The following CCDC102B variants were observed in gnomAD, a reference collection of about 807,000 sequenced individuals.
CCDC102B encodes coiled-coil domain-containing protein 102B.
Under a neutral mutation model 57.4 loss-of-function variants are expected in CCDC102B, and 75 were observed. That is an observed-to-expected ratio of 1.31 (90% CI 1.08 to 1.58). The LOEUF (loss-of-function observed/expected upper bound fraction) is 1.58, where lower values mean the gene tolerates loss of function less well. Ranked by LOEUF, CCDC102B falls within the 40% of genes most tolerant of loss-of-function variation. The probability of loss-of-function intolerance (pLI) is 0.00; values close to 1 mark genes in which losing one functional copy is unlikely to be tolerated. For synonymous variants in CCDC102B, 206 were observed against 201.9 expected, an observed-to-expected ratio of 1.02 and a Z score of -0.17; for missense variants, 636 against 582.6, an observed-to-expected ratio of 1.09 and a Z score of -0.94.
At chr18:68,730,199 A>C in intron 2 of CCDC102B, among the ~76,000 whole-genome samples, 1 of 152,162 alleles carries the variant, frequency 6.6e-6, no homozygotes, top group Admixed American at 6.5e-5. Context: ...AATGAATTCC[A>C]TTATTACGTA....
At chr18:68,873,197 C>G (rs962580310) in intron 4 of CCDC102B, among the ~76,000 whole-genome samples, 2 of 152,076 alleles carry the variant, frequency 1.3e-5, no homozygotes, top group African/African-American at 4.8e-5. Flanking sequence ...CTTGCATATT[C>G]AGACTTTCAA....
intron 6 of CCDC102B, among the ~76,000 whole-genome samples, chr18:68,918,558 C>T (rs1381287792): frequency 6.6e-6 from 1 of 152,116 alleles, no homozygotes; most frequent in Admixed American, 6.6e-5. Context: ...TAAAATTAAA[C>T]CTGCAAAAGT....
At chr18:68,770,823 A>G (rs1475529987) in intron 2 of CCDC102B, among the ~76,000 whole-genome samples, 1 of 152,270 alleles carries the variant, frequency 6.6e-6, no homozygotes, top group Admixed American at 6.5e-5. Context: ...CAGGCTTTGT[A>G]GAAGAAAGAA....
At chr18:68,978,896 AG>A (rs2050505675) in intron 6 of CCDC102B, among the ~76,000 whole-genome samples, 2 of 152,112 alleles carry the variant, frequency 1.3e-5, no homozygotes, top group Non-Finnish European at 2.9e-5. Flanking sequence ...AAAGCTATAG[AG>A]AAATGATAGA....
chr18:68,938,538 A>G (rs1423979567), intron 6 of CCDC102B, among the ~76,000 whole-genome samples: 1 of 151,838 alleles, frequency 6.6e-6, no homozygotes, highest in Admixed American at 6.6e-5. Context: ...CTTAAAAATG[A>G]TCTTTTCTAC....
rs541930016 is a variant in CCDC102B at position 68,790,088 on chromosome 18, C to A, written c.-66-33278C>A. On this transcript the variant is annotated intron_variant, in intron 2 of 3. Coordinates refer to the CCDC102B transcript ENST00000578970. ...CTGCAGGTCTGTTGGAATACCCTGC[C>A]ATGTGAGGTGTCAGTCTGCCCCTGC... 6.1e-3 allele frequency among the ~76,000 whole-genome samples: 889 copies of A among 145,968 alleles called. 14 individuals are homozygous for A. Among genetic ancestry groups the A allele is most frequent in the African/African-American group, 0.023 (826 of 36,580 alleles).
At chr18:68,790,522 A>T (rs1375170203) in intron 2 of CCDC102B, among the ~76,000 whole-genome samples, 5 of 152,050 alleles carry the variant, frequency 3.3e-5, no homozygotes, top group Admixed American at 6.5e-5. Flanking sequence ...GGCGGGATAT[A>T]ATCTCGTGGT....
Position 68,907,158 on chromosome 18 carries a change from A to G in CCDC102B, c.1263+9730A>G, listed in dbSNP as rs182658683. Among the ~76,000 whole-genome samples, 492 of 152,198 alleles carry G rather than the reference A, an allele frequency of 3.2e-3. 5 individuals are homozygous for G. The highest frequency in any genetic ancestry group is 0.023 in the South Asian group (111 of 4,820). ...TCTCAACTATTTTGGTGTCAATTCTATTATTTTGGTGTGAATGTTTATCTT... is the reference window on the plus strand; with the variant it reads ...TCTCAACTATTTTGGTGTCAATTCTGTTATTTTGGTGTGAATGTTTATCTT... On this transcript the variant is annotated intron_variant, in intron 6 of 7. Coordinates refer to ENST00000360242, the MANE Select transcript of CCDC102B (RefSeq NM_024781.3).
intron 2 of CCDC102B, among the ~76,000 whole-genome samples, chr18:68,723,231 G>A (rs917866047): frequency 1.3e-5 from 2 of 152,178 alleles, no homozygotes; most frequent in South Asian, 2.1e-4. Flanking sequence ...ATCTTTACCT[G>A]GTCCCACCCT....
chr18:68,897,068 T>A, intron 5 of CCDC102B, 151 bp from the exon 6 acceptor site: 1 of 606,902 alleles, frequency 1.6e-6, no homozygotes, highest in Non-Finnish European at 2.9e-6. Context: ...TGTATTTTTC[T>A]CATGTTTTCA....
chr18:68,805,877 A>G (rs1037499676), intron 1 of CCDC102B, among the ~76,000 whole-genome samples: 5 of 152,324 alleles, frequency 3.3e-5, no homozygotes, highest in East Asian at 1.9e-4. Context: ...GTTTCATTAT[A>G]TAAATGTTAA....
intron 5 of CCDC102B, among the ~76,000 whole-genome samples, chr18:68,888,737 G>A (rs1350496084): frequency 2.0e-5 from 3 of 152,112 alleles, no homozygotes; most frequent in Non-Finnish European, 4.4e-5. Context: ...CATATCAAGA[G>A]AAACAATGCC....
chr18:68,969,339 T>C (rs1052383664), intron 6 of CCDC102B, among the ~76,000 whole-genome samples: 1 of 152,226 alleles, frequency 6.6e-6, no homozygotes, highest in Non-Finnish European at 1.5e-5. Context: ...TCTGAAGGTT[T>C]TTCCTAATTC....
intron 6 of CCDC102B, among the ~76,000 whole-genome samples, chr18:69,001,004 A>G (rs2051186259): frequency 6.6e-6 from 1 of 152,152 alleles, no homozygotes; most frequent in African/African-American, 2.4e-5. Flanking sequence ...TGTTCTACTA[A>G]TAAGTTCATG....
chr18:68,838,282 A>G (rs1182493078), intron 2 of CCDC102B: 1 of 479,994 alleles, frequency 2.1e-6, no homozygotes. Context: ...AAAATATTCA[A>G]CAGCTTCCTG....
At chr18:68,732,065 A>T (rs2032895011) in intron 2 of CCDC102B, among the ~76,000 whole-genome samples, 1 of 150,044 alleles carries the variant, frequency 6.7e-6, no homozygotes, top group South Asian at 2.2e-4. Context: ...GAGGAACTTT[A>T]TTCATGTTGA....
chr18:68,911,670 T>C (rs980829587), intron 6 of CCDC102B, among the ~76,000 whole-genome samples: 2 of 133,150 alleles, frequency 1.5e-5, no homozygotes, highest in African/African-American at 3.0e-5. Context: ...GAGAATGGCG[T>C]GAACCCGGGA....
chr18:68,721,903 A>G (rs1599368862), intron 2 of CCDC102B, among the ~76,000 whole-genome samples: 1 of 152,208 alleles, frequency 6.6e-6, no homozygotes, highest in Non-Finnish European at 1.5e-5. Flanking sequence ...AGAAACCTCA[A>G]CCATAGGAAC....
chr18:69,015,617 A>G (rs946609286), intron 7 of CCDC102B, among the ~76,000 whole-genome samples: 3 of 152,216 alleles, frequency 2.0e-5, no homozygotes, highest in African/African-American at 4.8e-5. Flanking sequence ...TAAATAAATG[A>G]AAATAAGATA....
Sources: gnomAD v4.1 joint callset for allele counts (sites outside exome capture counted in the v4.1 genomes callset) on GRCh38, gnomAD v4.1.1 for gene constraint, MANE v1.5 for transcripts, NCBI Gene and HGNC (gene_info 2026-07-23, HGNC 2026-07-21) for gene names.